CNTN4: variants seen among roughly 807,000 people sequenced by gnomAD.
CNTN4 encodes the protein contactin-4.
A neutral mutation model predicts 122.5 loss-of-function variants in CNTN4; 77 were observed. The ratio of observed to expected loss-of-function variants is 0.63; its 90% CI spans 0.52 to 0.76. The LOEUF (loss-of-function observed/expected upper bound fraction) is 0.76, where lower values mean the gene tolerates loss of function less well. Ranked by LOEUF, CNTN4 falls within the 30% of genes least tolerant of loss-of-function variation. The probability of loss-of-function intolerance (pLI) is 0.00; values close to 1 mark genes in which losing one functional copy is unlikely to be tolerated. For synonymous variants in CNTN4, 512 were observed against 447.0 expected (o/e 1.15, Z -1.83); for missense variants, 1,256 against 1,259.1 (o/e 1.00, Z 0.04).
intron 4 of CNTN4, among the ~76,000 whole-genome samples, chr3:2,607,368 C>G (rs1254534057): frequency 1.3e-5 from 2 of 151,846 alleles, no homozygotes; most frequent in African/African-American, 4.8e-5. Flanking sequence ...TTTGTAATAG[C>G]AAAATGGTAG....
intron 4 of CNTN4, among the ~76,000 whole-genome samples, chr3:2,687,993 C>A (rs1174785936): frequency 6.6e-6 from 1 of 152,120 alleles, no homozygotes; most frequent in African/African-American, 2.4e-5. Context: ...TAGCTATTAA[C>A]ATAGGTACTG....
chr3:2,212,094 C>G (rs542750797), intron 2 of CNTN4, among the ~76,000 whole-genome samples: 2 of 152,268 alleles, frequency 1.3e-5, no homozygotes, highest in East Asian at 3.9e-4. Flanking sequence ...CTACCTCAGT[C>G]CAGAATAGCT....
chr3:2,497,800 A>G (rs2076491866), intron 3 of CNTN4, among the ~76,000 whole-genome samples: 1 of 152,154 alleles, frequency 6.6e-6, no homozygotes, highest in South Asian at 2.1e-4. Flanking sequence ...TTACTTATCA[A>G]TTACTTATCT....
chr3:2,470,844 A>G (rs990082359), intron 3 of CNTN4, among the ~76,000 whole-genome samples: 2 of 152,218 alleles, frequency 1.3e-5, no homozygotes, highest in Non-Finnish European at 2.9e-5. Flanking sequence ...CCAATGGTCA[A>G]TCAATAGACA....
At chr3:2,958,104 G>T (rs941238300) in intron 13 of CNTN4, among the ~76,000 whole-genome samples, 2 of 152,130 alleles carry the variant, frequency 1.3e-5, no homozygotes, top group African/African-American at 4.8e-5. Flanking sequence ...CATATTGCAA[G>T]ACTGTAGCAT....
At chr3:2,814,784 C>T (rs186150885) in intron 6 of CNTN4, among the ~76,000 whole-genome samples, 10 of 152,248 alleles carry the variant, frequency 6.6e-5, no homozygotes, top group East Asian at 3.9e-4. Flanking sequence ...TTCCTAGGCA[C>T]GTGAAGAAGG....
intron 10 of CNTN4, among the ~76,000 whole-genome samples, chr3:2,890,660 A>G (rs2151042131): frequency 6.6e-6 from 1 of 152,330 alleles, no homozygotes; most frequent in South Asian, 2.1e-4. Flanking sequence ...ACTAGGCATG[A>G]TGATTGTTCC....
At chr3:2,689,980 C>A (rs9828371) in intron 4 of CNTN4, among the ~76,000 whole-genome samples, 3 of 152,048 alleles carry the variant, frequency 2.0e-5, no homozygotes, top group Non-Finnish European at 4.4e-5. Flanking sequence ...GATCATATGT[C>A]TTCTCATCAC....
intron 13 of CNTN4, among the ~76,000 whole-genome samples, chr3:2,974,675 G>A (rs1267676150): frequency 6.6e-6 from 1 of 152,200 alleles, no homozygotes; most frequent in African/African-American, 2.4e-5. Flanking sequence ...GAGTTTCTGT[G>A]CTTCCCAGAA....
rs72994048 is a variant in CNTN4 at position 2,358,312 on chromosome 3, C to T, written c.-89+19079C>T. On this transcript the variant is annotated intron_variant, in intron 3 of 24. Transcript: ENST00000418658. ...AACATGCAGACAGTAACACCTACCT[C>T]GCAGGATAATATGGATGAAATGACA... Among the ~76,000 whole-genome samples the T allele has an allele frequency of 2.3e-3, 350 of 152,212 alleles. 3 individuals carry two copies. Among genetic ancestry groups the T allele is most frequent in the Non-Finnish European group, 4.1e-3 (279 of 68,024 alleles).
intron 3 of CNTN4, among the ~76,000 whole-genome samples, chr3:2,377,766 T>C (rs1306791527): frequency 2.6e-5 from 3 of 114,886 alleles, no homozygotes; most frequent in African/African-American, 1.0e-4. Flanking sequence ...ACATGATTTT[T>C]TTGTGATTAT....
intron 4 of CNTN4, among the ~76,000 whole-genome samples, chr3:2,705,822 TAATA>T (rs1368090475): frequency 3.3e-4 from 35 of 107,328 alleles, no homozygotes; most frequent in African/African-American, 8.9e-4. Flanking sequence ...ATATAATATA[TAATA>T]AATATATATA....
intron 4 of CNTN4, among the ~76,000 whole-genome samples, chr3:2,665,969 G>A (rs980302462): frequency 1.3e-5 from 2 of 152,088 alleles, no homozygotes; most frequent in African/African-American, 2.4e-5. Context: ...GGATATTATC[G>A]ATTTAGATAG....
intron 6 of CNTN4, among the ~76,000 whole-genome samples, chr3:2,814,056 T>C (rs1487798870): frequency 6.6e-6 from 1 of 152,184 alleles, no homozygotes; most frequent in African/African-American, 2.4e-5. Context: ...GGTATTACAT[T>C]CCATAGGAGA....
At chr3:2,204,479 C>G (rs1249545263) in intron 2 of CNTN4, among the ~76,000 whole-genome samples, 1 of 152,162 alleles carries the variant, frequency 6.6e-6, no homozygotes, top group Non-Finnish European at 1.5e-5. Flanking sequence ...AAGTTTTGCA[C>G]TTTTGTGTAT....
chr3:2,883,090 C>A, intron 8 of CNTN4, 55 bp from the exon 9 acceptor site: 2 of 1,277,160 alleles, frequency 1.6e-6, no homozygotes, highest in Non-Finnish European at 1.1e-6. Context: ...ATGAGTTTTA[C>A]ATTTTATACA....
In CNTN4 at chr3:3,009,556, C is replaced by G. The variant is rs919467017; in HGVS notation, c.1487-16546C>G. Among the ~76,000 whole-genome samples, 5 of 149,716 alleles carry G rather than the reference C, an allele frequency of 3.3e-5. No homozygotes were observed. In the South Asian group the frequency reaches 8.5e-4, roughly 25 times the overall value. The stretch of plus-strand genomic sequence containing the variant: ...TCCCGCCATTCTCCTGCCTCAGCTT[C>G]CCGAGTAGCTGGGACTACAGGCGCC... On this transcript the variant is annotated intron_variant, in intron 14 of 24. Transcript: ENST00000418658.
intron 4 of CNTN4, among the ~76,000 whole-genome samples, chr3:2,733,324 T>A (rs2088830641): frequency 6.6e-6 from 1 of 152,190 alleles, no homozygotes; most frequent in Non-Finnish European, 1.5e-5. Context: ...TTATTAGTGA[T>A]CTTGACGAAT....
At chr3:2,860,113 C>G (rs2093657116) in intron 7 of CNTN4, among the ~76,000 whole-genome samples, 1 of 152,184 alleles carries the variant, frequency 6.6e-6, no homozygotes. Flanking sequence ...TTTAGAAATA[C>G]CTGGCACAAG....
Sources: gnomAD v4.1 joint callset for allele counts (sites outside exome capture counted in the v4.1 genomes callset) on GRCh38, gnomAD v4.1.1 for gene constraint, MANE v1.5 for transcripts, NCBI Gene and HGNC (gene_info 2026-07-23, HGNC 2026-07-21) for gene names.